FSTL5: variants seen among roughly 807,000 people sequenced by gnomAD.
The protein encoded by FSTL5 is follistatin like 5, also known as follistatin-related protein 5.
In FSTL5, 62 loss-of-function variants were observed where a neutral mutation model predicts 89.1. The observed-to-expected ratio is 0.70, with a 90% CI of 0.57 to 0.86. FSTL5 has a LOEUF of 0.86. Among genes scored for constraint, FSTL5 ranks in the 40% least tolerant of loss-of-function variants. The pLI is 0.00. For missense variants in FSTL5, 1,057 were observed against 1,001.6 expected (o/e 1.06, Z -0.75); for synonymous variants, 383 against 346.2 (o/e 1.11, Z -1.18).
intron 7 of FSTL5, among the ~76,000 whole-genome samples, chr4:161,593,682 A>G (rs755641742): frequency 1.7e-4 from 26 of 152,050 alleles, no homozygotes; most frequent in Non-Finnish European, 3.5e-4. Flanking sequence ...TAAAATAGAA[A>G]TCCTCAATAT....
Position 161,759,443 on chromosome 4 carries a change from T to C in FSTL5, c.695A>G (p.His232Arg). ...TCTATAAAATTCTTCAAGAGCCAGG[T>C]GCTTGTCAGCATTAAAATCATCATA... Reference protein sequence around the residue: ...LKYDDFNADKHLALEEFYRAF... With the variant: ...LKYDDFNADKRLALEEFYRAF... Residue 232 changes from histidine to arginine, a missense_variant, in exon 6 of 16, where the codon CAC (histidine) becomes CGC (arginine). Physicochemically the swap from His to Arg is conservative, Grantham distance 29. Around this residue, in one of 3 missense-constraint regions of FSTL5, gnomAD observed 980 missense variants for 903.2 expected, o/e 1.08. Transcript: ENST00000306100. 6.3e-7 allele frequency: 1 copy of C among 1,595,462 alleles called. No individual in the cohort carries two copies. Among genetic ancestry groups the C allele is most frequent in the Non-Finnish European group, 8.5e-7 (1 of 1,172,150 alleles).
At chr4:162,152,761 A>G (rs1444576214) in intron 1 of FSTL5, among the ~76,000 whole-genome samples, 1 of 152,124 alleles carries the variant, frequency 6.6e-6, no homozygotes, top group Non-Finnish European at 1.5e-5. Flanking sequence ...AGTTCTGAAC[A>G]AACAAACTGC....
At chr4:161,848,032 G>A (rs1423136702) in intron 4 of FSTL5, among the ~76,000 whole-genome samples, 4 of 51,522 alleles carry the variant, frequency 7.8e-5, no homozygotes, top group South Asian at 9.6e-4. Flanking sequence ...GCAAGACTCC[G>A]TCTCAAAAAA....
chr4:161,513,730 T>C (rs1730728317), intron 10 of FSTL5, among the ~76,000 whole-genome samples: 1 of 152,096 alleles, frequency 6.6e-6, no homozygotes, highest in Non-Finnish European at 1.5e-5. Context: ...AGCAAACTAA[T>C]GCAGGAACAT....
At chr4:161,733,555 TGA>T (rs2126764508) in intron 6 of FSTL5, among the ~76,000 whole-genome samples, 1 of 152,126 alleles carries the variant, frequency 6.6e-6, no homozygotes, top group Non-Finnish European at 1.5e-5. Context: ...ATACACGTGG[TGA>T]GAGCAGATGC....
intron 15 of FSTL5, among the ~76,000 whole-genome samples, chr4:161,446,072 C>A (rs1158165002): frequency 6.6e-6 from 1 of 151,944 alleles, no homozygotes; most frequent in Non-Finnish European, 1.5e-5. Flanking sequence ...AGCAGATTTA[C>A]AACTCAACTA....
intron 11 of FSTL5, among the ~76,000 whole-genome samples, chr4:161,501,476 A>C (rs758532061): frequency 1.2e-4 from 19 of 152,034 alleles, no homozygotes; most frequent in Non-Finnish European, 2.2e-4. Context: ...CTATTACTTT[A>C]TTCATGTTTA....
chr4:161,865,295 A>C (rs529505806), intron 4 of FSTL5, among the ~76,000 whole-genome samples: 1 of 152,328 alleles, frequency 6.6e-6, no homozygotes, highest in African/African-American at 2.4e-5. Flanking sequence ...AATTGTAAAA[A>C]CTATGGGGAA....
At chr4:162,047,092 G>A (rs1191656044) in intron 2 of FSTL5, among the ~76,000 whole-genome samples, 1 of 151,924 alleles carries the variant, frequency 6.6e-6, no homozygotes, top group Non-Finnish European at 1.5e-5. Flanking sequence ...ATACCCCCAG[G>A]TAAGCCCAAA....
At chr4:162,004,283 A>G (rs938387741) in intron 3 of FSTL5, among the ~76,000 whole-genome samples, 1 of 152,186 alleles carries the variant, frequency 6.6e-6, no homozygotes, top group South Asian at 2.1e-4. Flanking sequence ...AAAGTATAAT[A>G]GCTATTCTTA....
At chr4:161,872,867 A>T in intron 4 of FSTL5, among the ~76,000 whole-genome samples, 1 of 152,166 alleles carries the variant, frequency 6.6e-6, no homozygotes, top group East Asian at 1.9e-4. Context: ...ACATGTATGA[A>T]TTTTGATGAT....
At chr4:161,461,813 T>A (rs1216766457) in intron 13 of FSTL5, among the ~76,000 whole-genome samples, 1 of 152,202 alleles carries the variant, frequency 6.6e-6, no homozygotes, top group African/African-American at 2.4e-5. Flanking sequence ...CCTTTCTATG[T>A]TAAACTTAAT....
At chr4:162,066,753 G>T (rs1044422069) in intron 2 of FSTL5, among the ~76,000 whole-genome samples, 1 of 151,810 alleles carries the variant, frequency 6.6e-6, no homozygotes, top group African/African-American at 2.4e-5. Flanking sequence ...CCCTGCAAAG[G>T]ACATGAACTA....
chr4:161,837,498 G>A (rs1731084349), intron 4 of FSTL5, among the ~76,000 whole-genome samples: 1 of 152,078 alleles, frequency 6.6e-6, no homozygotes, highest in South Asian at 2.1e-4. Flanking sequence ...TTTTTCTGAA[G>A]AGAGGGCATT....
At chr4:161,529,980 T>C (rs973736315) in intron 10 of FSTL5, among the ~76,000 whole-genome samples, 11 of 143,490 alleles carry the variant, frequency 7.7e-5, no homozygotes, top group African/African-American at 2.7e-4. Flanking sequence ...TTCAACTGTT[T>C]ATATTACCTT....
intron 7 of FSTL5, among the ~76,000 whole-genome samples, chr4:161,655,904 C>T (rs555698371): frequency 6.6e-6 from 1 of 152,258 alleles, no homozygotes; most frequent in East Asian, 1.9e-4. Context: ...CATACCATCA[C>T]ATTTCCTATT....
chr4:161,423,508 T>C (rs891886223), intron 15 of FSTL5, among the ~76,000 whole-genome samples: 18 of 152,192 alleles, frequency 1.2e-4, no homozygotes, highest in East Asian at 5.8e-4. Context: ...AATTCTCTTA[T>C]GCATTCCAGT....
At chr4:161,472,892 T>C (rs1327131284) in intron 13 of FSTL5, among the ~76,000 whole-genome samples, 1 of 151,996 alleles carries the variant, frequency 6.6e-6, no homozygotes, top group Non-Finnish European at 1.5e-5. Context: ...GGCTGGCTAA[T>C]TTTTGTATTT....
intron 12 of FSTL5, among the ~76,000 whole-genome samples, chr4:161,483,009 A>G (rs1729570315): frequency 6.6e-6 from 1 of 152,200 alleles, no homozygotes; most frequent in South Asian, 2.1e-4. Context: ...AATTAATTCT[A>G]TGTACCATGG....
Sources: allele counts gnomAD v4.1 joint callset (sites outside exome capture counted in the v4.1 genomes callset), GRCh38; gene constraint gnomAD v4.1.1; regional missense constraint gnomAD v4.1.1; transcripts MANE v1.5; gene names NCBI Gene and HGNC (gene_info 2026-07-23, HGNC 2026-07-21).